The following RELN variants were observed in gnomAD, a reference collection of about 807,000 sequenced individuals.
RELN encodes the protein reelin.
Under a neutral mutation model 427.6 loss-of-function variants are expected in RELN, and 108 were observed. The observed-to-expected ratio is 0.25, with a 90% CI of 0.22 to 0.30. The LOEUF (loss-of-function observed/expected upper bound fraction) is 0.30. Among genes scored for constraint, RELN ranks in the 10% least tolerant of loss-of-function variants. RELN has a pLI of 1.00. For synonymous variants in RELN, 1,524 were observed against 1,513.4 expected (o/e 1.01, Z -0.16); for missense variants, 3,715 against 4,302.8 (o/e 0.86, Z 3.82).
At chr7:103,903,267 C>T (rs889850540) in intron 2 of RELN, among the ~76,000 whole-genome samples, 2 of 148,214 alleles carry the variant, frequency 1.3e-5, no homozygotes, top group African/African-American at 5.0e-5. Flanking sequence ...ACCCATGATT[C>T]CTAAGTGTTT....
intron 28 of RELN, among the ~76,000 whole-genome samples, chr7:103,589,136 C>G (rs547475691): frequency 6.6e-6 from 1 of 152,300 alleles, no homozygotes; most frequent in South Asian, 2.1e-4. Flanking sequence ...TTTTTGGTGA[C>G]TGCATATGCA....
At chr7:103,596,737 A>C in intron 24 of RELN, 76 bp from the exon 25 acceptor site, 1 of 1,236,298 alleles carries the variant, frequency 8.1e-7, no homozygotes, top group Non-Finnish European at 1.2e-6. Context: ...TTCCAAATTC[A>C]CATGGACATC....
intron 16 of RELN, among the ~76,000 whole-genome samples, chr7:103,649,365 C>A (rs1030418626): frequency 5.7e-4 from 86 of 151,940 alleles, no homozygotes; most frequent in African/African-American, 2.0e-3. Context: ...CACTTATAAG[C>A]GGGAGCTAAA....
chr7:103,920,567 GTTTT>G (rs530809994), intron 1 of RELN, among the ~76,000 whole-genome samples: 4 of 134,244 alleles, frequency 3.0e-5, no homozygotes, highest in East Asian at 2.2e-4. Flanking sequence ...CCAGTCTTTG[GTTTT>G]TTTTTTTGTT....
At chr7:103,493,605 CT>C (rs1335967533) in intron 57 of RELN, among the ~76,000 whole-genome samples, 2 of 151,994 alleles carry the variant, frequency 1.3e-5, no homozygotes, top group East Asian at 3.9e-4. Flanking sequence ...GTGAGAATGT[CT>C]ATGGAGAGAG....
At chr7:103,962,646 TTGTGTGTGTG>T (rs57782980) in intron 1 of RELN, among the ~76,000 whole-genome samples, 16 of 149,920 alleles carry the variant, frequency 1.1e-4, no homozygotes, top group African/African-American at 2.4e-4. Flanking sequence ...TCCAAAGTTG[TTGTGTGTGTG>T]TGTGTGTGTG....
intron 1 of RELN, among the ~76,000 whole-genome samples, chr7:103,945,679 A>T (rs939244136): frequency 6.6e-6 from 1 of 152,194 alleles, no homozygotes; most frequent in African/African-American, 2.4e-5. Flanking sequence ...CTGTAATTAA[A>T]TAATTATTTG....
chr7:103,478,289 T>A, intron 64 of RELN, 100 bp downstream of exon 64: 1 of 637,630 alleles, frequency 1.6e-6, no homozygotes, highest in East Asian at 2.7e-5. Context: ...TTTTTTTTTT[T>A]TTAGTTGCAA....
chr7:103,980,581 C>T (rs1489166787), intron 1 of RELN, among the ~76,000 whole-genome samples: 4 of 152,180 alleles, frequency 2.6e-5, no homozygotes, highest in Non-Finnish European at 5.9e-5. Context: ...TGGAGAACTA[C>T]ACAGCAGCTT....
intron 57 of RELN, among the ~76,000 whole-genome samples, chr7:103,492,723 C>T (rs1299670509): frequency 6.6e-6 from 1 of 152,082 alleles, no homozygotes; most frequent in Non-Finnish European, 1.5e-5. Context: ...TCATAATACA[C>T]AAATATAATG....
chr7:103,821,587 G>A (rs1281333785), intron 3 of RELN, among the ~76,000 whole-genome samples: 1 of 152,122 alleles, frequency 6.6e-6, no homozygotes, highest in Non-Finnish European at 1.5e-5. Flanking sequence ...AGTGAGAAAA[G>A]CTCTTTTGTA....
At chr7:103,595,009 A>G (rs977640211) in intron 25 of RELN, among the ~76,000 whole-genome samples, 5 of 152,188 alleles carry the variant, frequency 3.3e-5, no homozygotes, top group African/African-American at 1.2e-4. Flanking sequence ...AAGGCATTAT[A>G]CGTATAATTT....
chr7:103,930,868 ATGTGTGTGTG>A (rs60265174), intron 1 of RELN, among the ~76,000 whole-genome samples: 147 of 141,998 alleles, frequency 1.0e-3, no homozygotes, highest in East Asian at 2.5e-3. Context: ...GTGTGAGCAT[ATGTGTGTGTG>A]TGTGTGTGTG....
At chr7:103,946,216 T>C (rs1200152529) in intron 1 of RELN, among the ~76,000 whole-genome samples, 3 of 152,222 alleles carry the variant, frequency 2.0e-5, no homozygotes, top group Admixed American at 1.3e-4. Context: ...TGTAAAGTTA[T>C]CCTAAGGTAC....
intron 2 of RELN, among the ~76,000 whole-genome samples, chr7:103,878,972 CA>C (rs1448479239): frequency 2.0e-5 from 3 of 152,154 alleles, no homozygotes; most frequent in African/African-American, 7.2e-5. Flanking sequence ...CTTTTACTAA[CA>C]AAGTGAACCT....
At position 103,525,331 on chromosome 7, in the gene RELN, T is replaced by C. The variant is rs114759606; in HGVS notation, c.7350-1800A>G. ...ATAGTTATACATTTATTTGCATACA[T>C]ATTTGATACATGTCTGTCTCTTCCT... On this transcript the variant is annotated intron_variant, in intron 46 of 64. Transcript: ENST00000428762. Among the ~76,000 whole-genome samples, 509 of 152,332 alleles carry C rather than the reference T, an allele frequency of 3.3e-3. 3 individuals are homozygous for C. Among genetic ancestry groups the C allele is most frequent in the African/African-American group, 0.012 (483 of 41,576 alleles).
intron 4 of RELN, among the ~76,000 whole-genome samples, chr7:103,768,040 T>C (rs567359948): frequency 5.9e-5 from 9 of 152,332 alleles, no homozygotes; most frequent in South Asian, 4.1e-4. Context: ...TTCACTGCAA[T>C]GTAGACTTCA....
chr7:103,729,388 A>G (rs1790296134), intron 6 of RELN, among the ~76,000 whole-genome samples: 1 of 152,216 alleles, frequency 6.6e-6, no homozygotes, highest in Non-Finnish European at 1.5e-5. Flanking sequence ...GAAACACTGC[A>G]CGTCAAAAAT....
intron 6 of RELN, among the ~76,000 whole-genome samples, chr7:103,747,049 G>A (rs1192586568): frequency 3.3e-5 from 5 of 152,146 alleles, no homozygotes; most frequent in Admixed American, 3.3e-4. Context: ...TTAAGAAAAT[G>A]TGTCACATAT....
Sources: allele counts gnomAD v4.1 joint callset (sites outside exome capture counted in the v4.1 genomes callset), GRCh38; gene constraint gnomAD v4.1.1; transcripts MANE v1.5; gene names NCBI Gene and HGNC (gene_info 2026-07-23, HGNC 2026-07-21).